The following HSBP1 variants were observed in gnomAD, a reference collection of about 807,000 sequenced individuals.
HSBP1 encodes the protein heat shock factor binding protein 1.
A neutral mutation model predicts 9.6 loss-of-function variants in HSBP1; 5 were observed. The observed-to-expected ratio is 0.52, with a 90% CI of 0.27 to 1.09. The LOEUF (loss-of-function observed/expected upper bound fraction) is 1.09. Ranked by LOEUF, HSBP1 falls within the 50% of genes least tolerant of loss-of-function variation. HSBP1 has a pLI of 0.11. For missense variants in HSBP1, 121 were observed against 96.3 expected (o/e 1.26, Z -1.07); for synonymous variants, 42 against 33.3 (o/e 1.26, Z -0.90).
At chr16:83,808,481 A>G (rs1042080267) in intron 1 of HSBP1, 199 bp from the exon 2 acceptor site, 2 of 583,788 alleles carry the variant, frequency 3.4e-6, no homozygotes, top group Non-Finnish European at 6.1e-6. Context: ...TTTGAGTCGC[A>G]GCGGCCTCCC....
rs1298597290 is a variant in HSBP1, at chr16:83,818,353, A to C, written c.*6935A>C. 4 of 152,144 alleles carry C rather than the reference A, an allele frequency of 2.6e-5. No homozygotes were observed. The highest frequency in any genetic ancestry group is 5.9e-5 in the Non-Finnish European group (4 of 68,034). The allele number at this position is 152,144 out of a possible 1,614,324, so 9.4% of individuals were successfully genotyped here. A position where few individuals can be genotyped will look rare whatever the true frequency, so the allele number is the denominator to read the frequency against. ...ACCCCATAGAAACTCTCTGGCACAAAAACTCTGGAATCACTGACCCCAGAC... is the reference window on the plus strand; with the variant it reads ...ACCCCATAGAAACTCTCTGGCACAACAACTCTGGAATCACTGACCCCAGAC... On this transcript the variant is annotated 3_prime_UTR_variant, in exon 4 of 4. Coordinates refer to ENST00000433866, the MANE Select transcript of HSBP1 (RefSeq NM_001537.4).
rs1313993913 is a variant in HSBP1 at position 83,814,265 on chromosome 16, T to C, written c.*2847T>C. ...TGAAAGCATTGACTGTAAACCGCTG[T>C]ACTGTGCTAAGCCTTTTGTTTGCAC... On this transcript the variant is annotated 3_prime_UTR_variant, in exon 4 of 4. Coordinates refer to ENST00000433866, the MANE Select transcript of HSBP1 (RefSeq NM_001537.4). The C allele has an allele frequency of 6.6e-6, 1 of 152,246 alleles. No homozygotes were observed. The highest frequency in any genetic ancestry group is 1.5e-5 in the Non-Finnish European group (1 of 68,036). The allele number at this position is 152,246 out of a possible 1,614,324, so 9.4% of individuals were successfully genotyped here.
intron 3 of HSBP1, among the ~76,000 whole-genome samples, chr16:83,809,749 T>A (rs1240005986): frequency 6.6e-6 from 1 of 152,072 alleles, no homozygotes; most frequent in African/African-American, 2.4e-5. Context: ...ATTACAGGTG[T>A]GAGCCGCCGT....
In HSBP1 at chr16:83,813,319, ACT is replaced by A. The variant is rs1305029783; in HGVS notation, c.*1904_*1905del. 2.6e-5 allele frequency: 4 copies of A among 152,136 alleles called. No individual in the cohort carries two copies. The highest frequency in any genetic ancestry group is 6.5e-5 in the Admixed American group (1 of 15,270). The allele number at this position is 152,136 out of a possible 1,614,324, so 9.4% of individuals were successfully genotyped here. A position where few individuals can be genotyped will look rare whatever the true frequency, so the allele number is the denominator to read the frequency against. ...TCATGAAGAAATTAGCATATTAAAG[ACT>A]CTGAAAGTAGAGCAGAGAACTCAGC... On this transcript the variant is annotated 3_prime_UTR_variant, in exon 4 of 4. Transcript: ENST00000433866.
Position 83,818,817 on chromosome 16 carries a change from A to AT in HSBP1, c.*7406dup, listed in dbSNP as rs1041467982. 4.6e-5 allele frequency: 7 copies of AT among 152,268 alleles called. No homozygotes were observed. Among genetic ancestry groups the AT allele is most frequent in the East Asian group, 1.9e-4 (1 of 5,184 alleles). 9.4% of individuals were successfully genotyped at this position (152,268 alleles called of 1,614,324 possible). On this transcript the variant is annotated 3_prime_UTR_variant, in exon 4 of 4. Coordinates refer to ENST00000433866, the MANE Select transcript of HSBP1 (RefSeq NM_001537.4). ...TCCATAATTGGTCTGAGAACAACAG[A>AT]TTTTTTTCTTTTTTGCCTCGGATTT...
chr16:83,813,803 A>AT lies in HSBP1; in HGVS notation c.*2388dup. 6.6e-6 allele frequency: 1 copy of AT among 152,270 alleles called. No individual in the cohort carries two copies. Among genetic ancestry groups the AT allele is most frequent in the African/African-American group, 2.4e-5 (1 of 41,540 alleles). 9.4% of individuals were successfully genotyped at this position (152,270 alleles called of 1,614,324 possible). On this transcript the variant is annotated 3_prime_UTR_variant, in exon 4 of 4. Coordinates refer to ENST00000433866, the MANE Select transcript of HSBP1 (RefSeq NM_001537.4). ...AACCCCAAGGCCCCACAGCTTCTTC[A>AT]TTTGGCCCCTAGTTCATCCTGCTTT... is the stretch of plus-strand genomic sequence containing the variant.
chr16:83,814,183 T>TATC lies in HSBP1; in HGVS notation c.*2766_*2768dup, dbSNP rs762542239. On this transcript the variant is annotated 3_prime_UTR_variant, in exon 4 of 4. Coordinates refer to ENST00000433866, the MANE Select transcript of HSBP1 (RefSeq NM_001537.4). ...GAGGAATTTGCAGGATGTGTTGTCA[T>TATC]ATCTAGCCCTGAAAGTTAACTGGTT... 1.3e-5 allele frequency: 2 copies of TATC among 152,242 alleles called. No homozygotes were observed. Among genetic ancestry groups the TATC allele is most frequent in the Non-Finnish European group, 2.9e-5 (2 of 68,044 alleles). The allele number at this position is 152,242 out of a possible 1,614,324, so 9.4% of individuals were successfully genotyped here. A position where few individuals can be genotyped will look rare whatever the true frequency, so the allele number is the denominator to read the frequency against.
At position 83,819,062 on chromosome 16, in the gene HSBP1, T is replaced by C. The variant is rs1382968997; in HGVS notation, c.*7644T>C. 1 of 151,646 alleles carries C rather than the reference T, an allele frequency of 6.6e-6. No homozygotes were observed. 9.4% of individuals were successfully genotyped at this position (151,646 alleles called of 1,614,324 possible). On this transcript the variant is annotated 3_prime_UTR_variant, in exon 4 of 4. Transcript: ENST00000433866. ...CACATCCTCCAGGCGATTCTGAGAG[T>C]GAGAGAGCCAGGGCCTTCGGGCATC...
intron 2 of HSBP1, 59 bp from the exon 3 acceptor site, chr16:83,809,246 G>A (rs1217825369): frequency 2.0e-5 from 22 of 1,083,840 alleles, no homozygotes; most frequent in Non-Finnish European, 2.9e-5. Context: ...GTAGTCTGCA[G>A]GGACGGGAGG....
At position 83,816,557 on chromosome 16, in the gene HSBP1, G is replaced by C. The variant is rs916064419; in HGVS notation, c.*5139G>C. On this transcript the variant is annotated 3_prime_UTR_variant, in exon 4 of 4. Coordinates refer to ENST00000433866, the MANE Select transcript of HSBP1 (RefSeq NM_001537.4). ...TTGAAGGTGTTTCCACCCCACTCCT[G>C]TGCCTAAAATGATCCTGGCAAACAG... 1 of 152,128 alleles carries C rather than the reference G, an allele frequency of 6.6e-6. No homozygotes were observed. The highest frequency in any genetic ancestry group is 1.5e-5 in the Non-Finnish European group (1 of 68,030). The allele number at this position is 152,128 out of a possible 1,614,324, so 9.4% of individuals were successfully genotyped here. A position where few individuals can be genotyped will look rare whatever the true frequency, so the allele number is the denominator to read the frequency against.
In HSBP1 at chr16:83,815,318, G is replaced by C. The variant is rs972264363; in HGVS notation, c.*3900G>C. 6.6e-6 allele frequency: 1 copy of C among 152,120 alleles called. No individual in the cohort carries two copies. Among genetic ancestry groups the C allele is most frequent in the African/African-American group, 2.4e-5 (1 of 41,426 alleles). 9.4% of individuals were successfully genotyped at this position (152,120 alleles called of 1,614,324 possible). Reference sequence around the variant, plus strand: ...TTAAAAAAGAAAAAAAGGCCAGCCTGGGCAATATACTGAGACTCCATCTCT... The same window carrying C: ...TTAAAAAAGAAAAAAAGGCCAGCCTCGGCAATATACTGAGACTCCATCTCT... On this transcript the variant is annotated 3_prime_UTR_variant, in exon 4 of 4. Coordinates refer to ENST00000433866, the MANE Select transcript of HSBP1 (RefSeq NM_001537.4).
chr16:83,815,039 CAA>C lies in HSBP1; in HGVS notation c.*3622_*3623del, dbSNP rs1904688387. ...GTTTTGTGGTGTTTTTTTTTTATTG[CAA>C]CGAAGACTTTTAAATGGACTCATGA... is the stretch of plus-strand genomic sequence containing the variant. On this transcript the variant is annotated 3_prime_UTR_variant, in exon 4 of 4. Transcript: ENST00000433866. 8.6e-6 allele frequency: 1 copy of C among 116,062 alleles called. No individual in the cohort carries two copies. The highest frequency in any genetic ancestry group is 3.1e-5 in the African/African-American group (1 of 32,604). 7.2% of individuals were successfully genotyped at this position (116,062 alleles called of 1,614,324 possible).
At chr16:83,810,896 T>C (rs1156334663) in intron 3 of HSBP1, among the ~76,000 whole-genome samples, 1 of 152,196 alleles carries the variant, frequency 6.6e-6, no homozygotes, top group Non-Finnish European at 1.5e-5. Context: ...TAATTTCCTA[T>C]TTTCTGGGCT....
intron 3 of HSBP1, among the ~76,000 whole-genome samples, chr16:83,809,854 C>T (rs1904560587): frequency 1.3e-5 from 2 of 152,108 alleles, no homozygotes; most frequent in South Asian, 4.1e-4. Flanking sequence ...CAGTTCCCAG[C>T]CATGATCCCA....
Position 83,816,844 on chromosome 16 carries a change from G to A in HSBP1, c.*5426G>A, listed in dbSNP as rs978927420. On this transcript the variant is annotated 3_prime_UTR_variant, in exon 4 of 4. Coordinates refer to ENST00000433866, the MANE Select transcript of HSBP1 (RefSeq NM_001537.4). ...GCTGATAGTTTCCGGACCCTCAGAGGTGGAGACATAAGAGAACAATACCAG... is the reference window on the plus strand; with the variant it reads ...GCTGATAGTTTCCGGACCCTCAGAGATGGAGACATAAGAGAACAATACCAG... 2.0e-5 allele frequency: 3 copies of A among 152,240 alleles called. No homozygotes were observed. The highest frequency in any genetic ancestry group is 1.3e-4 in the Admixed American group (2 of 15,276). 9.4% of individuals were successfully genotyped at this position (152,240 alleles called of 1,614,324 possible).
Position 83,819,462 on chromosome 16 carries a change from C to T in HSBP1, c.*8044C>T, listed in dbSNP as rs971119765. 2 of 152,088 alleles carry T rather than the reference C, an allele frequency of 1.3e-5. No individual in the cohort carries two copies. The highest frequency in any genetic ancestry group is 2.9e-5 in the Non-Finnish European group (2 of 68,028). The allele number at this position is 152,088 out of a possible 1,614,324, so 9.4% of individuals were successfully genotyped here. On this transcript the variant is annotated 3_prime_UTR_variant, in exon 4 of 4. Transcript: ENST00000433866. ...GACCTAGTGTGACCTCTTCTGCCTT[C>T]TGAACCGAGGAGTCCACCCCTAAGC...
At position 83,817,039 on chromosome 16, in the gene HSBP1, G is replaced by C. The variant is rs181403919; in HGVS notation, c.*5621G>C. Reference sequence around the variant, plus strand: ...GTGGCACATTAGAATCACCTGGGGAGCAGTTCAAAGGCCCAAAACTGGGCA... The same window carrying C: ...GTGGCACATTAGAATCACCTGGGGACCAGTTCAAAGGCCCAAAACTGGGCA... On this transcript the variant is annotated 3_prime_UTR_variant, in exon 4 of 4. Transcript: ENST00000433866. 1 of 152,258 alleles carries C rather than the reference G, an allele frequency of 6.6e-6. No homozygotes were observed. Among genetic ancestry groups the C allele is most frequent in the Admixed American group, 6.5e-5 (1 of 15,282 alleles). The allele number at this position is 152,258 out of a possible 1,614,324, so 9.4% of individuals were successfully genotyped here.
rs1239119107 is a variant in HSBP1 at position 83,812,960 on chromosome 16, T to A, written c.*1542T>A. 1 of 152,208 alleles carries A rather than the reference T, an allele frequency of 6.6e-6. No homozygotes were observed. Among genetic ancestry groups the A allele is most frequent in the Non-Finnish European group, 1.5e-5 (1 of 68,050 alleles). The allele number at this position is 152,208 out of a possible 1,614,324, so 9.4% of individuals were successfully genotyped here. A position where few individuals can be genotyped will look rare whatever the true frequency, so the allele number is the denominator to read the frequency against. On this transcript the variant is annotated 3_prime_UTR_variant, in exon 4 of 4. Transcript: ENST00000433866. ...AGGCAGGCTGCCCTGACCAAAAATA[T>A]CTGCCATGAATAAAGGTGCCTGAAA...
At position 83,818,148 on chromosome 16, in the gene HSBP1, C is replaced by T. The variant is rs911216253; in HGVS notation, c.*6730C>T. On this transcript the variant is annotated 3_prime_UTR_variant, in exon 4 of 4. Transcript: ENST00000433866. ...TCTGTGAGCCCTCATCCCCAGGGCT[C>T]GGTTTCCTATCAGAATCCTTGTCTG... The T allele has an allele frequency of 6.6e-6, 1 of 152,162 alleles. No individual in the cohort carries two copies. The highest frequency in any genetic ancestry group is 1.5e-5 in the Non-Finnish European group (1 of 68,030). 9.4% of individuals were successfully genotyped at this position (152,162 alleles called of 1,614,324 possible).
Sources: allele counts gnomAD v4.1 joint callset (sites outside exome capture counted in the v4.1 genomes callset), GRCh38; gene constraint gnomAD v4.1.1; transcripts MANE v1.5; gene names NCBI Gene and HGNC (gene_info 2026-07-23, HGNC 2026-07-21).